Variants in ARHGAP24 observed in about 807,000 individuals in gnomAD.
ARHGAP24 encodes rho GTPase-activating protein 24.
In ARHGAP24, 50 loss-of-function variants were observed where a neutral mutation model predicts 76.4. The observed-to-expected ratio is 0.65, with a 90% CI of 0.52 to 0.83. ARHGAP24 has a LOEUF of 0.83. Ranked by LOEUF, ARHGAP24 falls within the 40% of genes least tolerant of loss-of-function variation. The pLI, the probability that ARHGAP24 is intolerant of heterozygous loss-of-function variation, is 0.00. For missense variants in ARHGAP24, 930 were observed against 914.2 expected (o/e 1.02, Z -0.22); for synonymous variants, 345 against 323.3 (o/e 1.07, Z -0.72).
At chr4:85,943,436 C>T (rs1159344432) in intron 5 of ARHGAP24, among the ~76,000 whole-genome samples, 1 of 152,104 alleles carries the variant, frequency 6.6e-6, no homozygotes, top group East Asian at 1.9e-4. Context: ...GTGGAAGGTA[C>T]AAGGCAGCTC....
At chr4:85,713,972 C>T (rs1470083098) in intron 2 of ARHGAP24, among the ~76,000 whole-genome samples, 2 of 152,114 alleles carry the variant, frequency 1.3e-5, no homozygotes, top group Admixed American at 1.3e-4. Context: ...AGGTCTCTTA[C>T]AATTTTGAGA....
At chr4:85,912,971 GA>G (rs1735170120) in intron 3 of ARHGAP24, among the ~76,000 whole-genome samples, 1 of 152,028 alleles carries the variant, frequency 6.6e-6, no homozygotes, top group African/African-American at 2.4e-5. Context: ...TGAGAAGAGT[GA>G]AAAATTTTTT....
chr4:85,817,502 C>G (rs1729292623), intron 3 of ARHGAP24, among the ~76,000 whole-genome samples: 2 of 152,008 alleles, frequency 1.3e-5, no homozygotes, highest in Admixed American at 1.3e-4. Context: ...CCCATGATAT[C>G]CTTAAATGAG....
intron 5 of ARHGAP24, among the ~76,000 whole-genome samples, chr4:85,962,535 A>G (rs1348815050): frequency 6.6e-6 from 1 of 152,078 alleles, no homozygotes; most frequent in Non-Finnish European, 1.5e-5. Flanking sequence ...TAACATTAAA[A>G]TTTCTACAAA....
chr4:85,885,216 T>C (rs1431769372), intron 3 of ARHGAP24, among the ~76,000 whole-genome samples: 1 of 152,154 alleles, frequency 6.6e-6, no homozygotes, highest in Non-Finnish European at 1.5e-5. Context: ...TTTACATATG[T>C]GGTCTTGATT....
chr4:85,976,175 A>T (rs1223939860), intron 7 of ARHGAP24, among the ~76,000 whole-genome samples: 1 of 152,244 alleles, frequency 6.6e-6, no homozygotes, highest in Non-Finnish European at 1.5e-5. Context: ...CTCATGAAAG[A>T]TTTAAGCAGA....
At chr4:85,964,006 G>A (rs922718122) in intron 5 of ARHGAP24, among the ~76,000 whole-genome samples, 1 of 151,984 alleles carries the variant, frequency 6.6e-6, no homozygotes, top group Non-Finnish European at 1.5e-5. Flanking sequence ...ATATCAGGAA[G>A]ACCAGTTAAT....
intron 2 of ARHGAP24, among the ~76,000 whole-genome samples, chr4:85,617,648 A>G (rs1267959354): frequency 6.6e-6 from 1 of 152,152 alleles, no homozygotes; most frequent in African/African-American, 2.4e-5. Flanking sequence ...GGGGATTTAG[A>G]TTTCCAATAC....
chr4:85,955,326 T>A (rs1737849099), intron 5 of ARHGAP24, among the ~76,000 whole-genome samples: 1 of 150,124 alleles, frequency 6.7e-6, no homozygotes, highest in Admixed American at 6.6e-5. Flanking sequence ...CCATGATCCC[T>A]GTATTATTTT....
chr4:85,629,364 A>G (rs1247997805), intron 2 of ARHGAP24, among the ~76,000 whole-genome samples: 1 of 152,216 alleles, frequency 6.6e-6, no homozygotes, highest in East Asian at 1.9e-4. Flanking sequence ...TAACATTTAC[A>G]CTAAAATCAA....
rs776930756 is a variant in ARHGAP24 at position 85,930,978 on chromosome 4, C to T, written c.391+7208C>T. Reference sequence around the variant, plus strand: ...GGGGGTGCCCGGCTGGTGCCTTAGCCTCAACTCCTTTCATCCCTAAAACTA... The same window carrying T: ...GGGGGTGCCCGGCTGGTGCCTTAGCTTCAACTCCTTTCATCCCTAAAACTA... On this transcript the variant is annotated intron_variant, in intron 4 of 9. Transcript: ENST00000395184. 10 of 1,613,530 alleles carry T rather than the reference C, an allele frequency of 6.2e-6. No individual in the cohort carries two copies. In the African/African-American group the frequency reaches 1.2e-4, roughly 19 times the overall value.
At position 86,001,003 on chromosome 4, in the gene ARHGAP24, T is replaced by C. The variant is rs1484031200; in HGVS notation, c.*281T>C. Reference sequence around the variant, plus strand: ...AAGCATATTTCAAGAATTATTTTATTGCAAGTCTTGTATTTAAATGTTAAA... The same window carrying C: ...AAGCATATTTCAAGAATTATTTTATCGCAAGTCTTGTATTTAAATGTTAAA... On this transcript the variant is annotated 3_prime_UTR_variant, in exon 10 of 10. Coordinates refer to ENST00000395184, the MANE Select transcript of ARHGAP24 (RefSeq NM_001025616.3). 1 of 513,678 alleles carries C rather than the reference T, an allele frequency of 1.9e-6. No homozygotes were observed. The highest frequency in any genetic ancestry group is 3.4e-6 in the Non-Finnish European group (1 of 294,222). The allele number at this position is 513,678 out of a possible 1,614,324, so 31.8% of individuals were successfully genotyped here.
chr4:85,705,100 A>T (rs1225353995), intron 2 of ARHGAP24, among the ~76,000 whole-genome samples: 1 of 152,134 alleles, frequency 6.6e-6, no homozygotes, highest in Non-Finnish European at 1.5e-5. Flanking sequence ...CATTTTAGGT[A>T]TTACTAAGAA....
Position 85,977,666 on chromosome 4 carries a change from G to A in ARHGAP24, c.903G>A (p.Val301=). ...GTCCTAATATCCTGCGCCCCAAAGT[G>A]GAAGATCCTTTGACTATCATGGAGG... is the stretch of plus-strand genomic sequence containing the variant. ...VFGPNILRPK[V]EDPLTIMEGT... The change falls in exon 8 of 10, where the codon GTG becomes GTA. Residue 301 remains valine (V), a synonymous_variant. Transcript: ENST00000395184. 1.2e-6 allele frequency: 2 copies of A among 1,613,840 alleles called. No homozygotes were observed. Among genetic ancestry groups the A allele is most frequent in the Non-Finnish European group, 1.7e-6 (2 of 1,179,820 alleles).
chr4:85,991,515 T>A (rs1309112993), intron 8 of ARHGAP24: 1 of 152,150 alleles, frequency 6.6e-6, no homozygotes, highest in Non-Finnish European at 1.5e-5. Flanking sequence ...AGTAATACTA[T>A]TTGACAATAA....
chr4:85,540,675 GTATTTATAATCACA>G (rs1725641196), intron 1 of ARHGAP24, among the ~76,000 whole-genome samples: 1 of 151,946 alleles, frequency 6.6e-6, no homozygotes, highest in Non-Finnish European at 1.5e-5. Flanking sequence ...AATTTTCCTT[GTATTTATAATCACA>G]TCTGGCTCCA....
At chr4:85,794,928 T>A (rs566434104) in intron 3 of ARHGAP24, among the ~76,000 whole-genome samples, 23 of 152,350 alleles carry the variant, frequency 1.5e-4, no homozygotes, top group Middle Eastern at 3.4e-3. Flanking sequence ...CTGCAGCTGA[T>A]GAAATAAAGG....
intron 3 of ARHGAP24, among the ~76,000 whole-genome samples, chr4:85,788,910 C>T (rs532559548): frequency 2.6e-5 from 4 of 152,182 alleles, no homozygotes; most frequent in African/African-American, 9.6e-5. Flanking sequence ...TCTGTTTTCT[C>T]GAGGATGTGG....
intron 3 of ARHGAP24, among the ~76,000 whole-genome samples, chr4:85,782,397 G>A (rs1019983758): frequency 2.6e-5 from 4 of 152,164 alleles, no homozygotes; most frequent in South Asian, 2.1e-4. Context: ...GGAAGACTTC[G>A]ATTTAGAAAG....
Sources: allele counts gnomAD v4.1 joint callset (sites outside exome capture counted in the v4.1 genomes callset), GRCh38; gene constraint gnomAD v4.1.1; transcripts MANE v1.5; gene names NCBI Gene and HGNC (gene_info 2026-07-23, HGNC 2026-07-21).